Variants in XRCC4 observed in about 807,000 individuals in gnomAD.
XRCC4 encodes DNA repair protein XRCC4.
A neutral mutation model predicts 39.1 loss-of-function variants in XRCC4; 28 were observed. The ratio of observed to expected loss-of-function variants is 0.72; its 90% confidence interval spans 0.53 to 0.98. XRCC4 has a LOEUF of 0.98. Among genes scored for constraint, XRCC4 ranks in the 50% least tolerant of loss-of-function variants. The pLI is 0.00. For missense variants in XRCC4, 350 were observed against 376.4 expected, an observed-to-expected ratio of 0.93 and a Z score of 0.58; for synonymous variants, 123 against 126.4, an observed-to-expected ratio of 0.97 and a Z score of 0.18.
chr5:83,183,413 T>TGTGC (rs1491577644), intron 3 of XRCC4, among the ~76,000 whole-genome samples: 2 of 1,654 alleles, frequency 1.2e-3, no homozygotes, highest in African/African-American at 2.5e-3. Flanking sequence ...TTCATTTATT[T>TGTGC]GTGTGTGTGT....
At chr5:83,343,410 C>A (rs982956649) in intron 7 of XRCC4, among the ~76,000 whole-genome samples, 1 of 152,146 alleles carries the variant, frequency 6.6e-6, no homozygotes, top group East Asian at 1.9e-4. Flanking sequence ...ATCGCCTGTT[C>A]TTCTTGTCTG....
At chr5:83,110,704 A>G (rs901070794) in intron 2 of XRCC4, among the ~76,000 whole-genome samples, 2 of 152,056 alleles carry the variant, frequency 1.3e-5, no homozygotes, top group Admixed American at 1.3e-4. Flanking sequence ...CATTGTAGGA[A>G]ATTATCTGGC....
intron 6 of XRCC4, among the ~76,000 whole-genome samples, chr5:83,223,463 C>T (rs554110071): frequency 6.7e-6 from 1 of 150,082 alleles, no homozygotes; most frequent in Non-Finnish European, 1.5e-5. Context: ...TATATAATTA[C>T]CTCCATTGTT....
intron 7 of XRCC4, among the ~76,000 whole-genome samples, chr5:83,337,857 G>A (rs1756639275): frequency 6.6e-6 from 1 of 152,180 alleles, no homozygotes; most frequent in African/African-American, 2.4e-5. Flanking sequence ...GAGGAGTCAT[G>A]GGAAGCTTCA....
intron 7 of XRCC4, among the ~76,000 whole-genome samples, chr5:83,349,725 C>A (rs1757023606): frequency 6.6e-6 from 1 of 152,094 alleles, no homozygotes; most frequent in African/African-American, 2.4e-5. Flanking sequence ...ACAATGGACA[C>A]AATTACAGAG....
intron 3 of XRCC4, among the ~76,000 whole-genome samples, chr5:83,112,956 A>T (rs1166081563): frequency 6.6e-6 from 1 of 152,136 alleles, no homozygotes; most frequent in Non-Finnish European, 1.5e-5. Flanking sequence ...CCCAAATCTC[A>T]TGTCCTCACA....
intron 3 of XRCC4, among the ~76,000 whole-genome samples, chr5:83,192,198 A>G (rs1413112397): frequency 6.7e-6 from 1 of 148,490 alleles, no homozygotes; most frequent in Non-Finnish European, 1.5e-5. Flanking sequence ...ATATGTATGT[A>G]TACGTATATA....
At chr5:83,238,319 A>G (rs1419584974) in intron 6 of XRCC4, among the ~76,000 whole-genome samples, 1 of 152,234 alleles carries the variant, frequency 6.6e-6, no homozygotes, top group Non-Finnish European at 1.5e-5. Flanking sequence ...GGCAGTCCTC[A>G]GAAAATGAGA....
intron 3 of XRCC4, among the ~76,000 whole-genome samples, chr5:83,112,708 C>G (rs1281698150): frequency 1.3e-5 from 2 of 152,142 alleles, no homozygotes; most frequent in East Asian, 3.9e-4. Context: ...GGAGCAAAGT[C>G]ACATCTTACA....
intron 6 of XRCC4, 34 bp downstream of exon 6, chr5:83,204,955 A>G: frequency 7.0e-7 from 1 of 1,431,760 alleles, no homozygotes; most frequent in Non-Finnish European, 9.8e-7. Flanking sequence ...CCTCTGTTGA[A>G]TATCTTATTT....
chr5:83,247,409 C>T (rs1168130188), intron 6 of XRCC4, among the ~76,000 whole-genome samples: 1 of 152,140 alleles, frequency 6.6e-6, no homozygotes, highest in South Asian at 2.1e-4. Flanking sequence ...CCTGTCAGAT[C>T]AGTGGCAAAA....
the XRCC4 span, among the ~76,000 whole-genome samples, chr5:83,360,260 A>G: frequency 6.6e-6 from 1 of 152,130 alleles, no homozygotes; most frequent in Non-Finnish European, 1.5e-5. Flanking sequence ...ATCTACTGGG[A>G]CAAGATGATT....
chr5:83,097,912 T>C (rs1258717430), intron 1 of XRCC4, among the ~76,000 whole-genome samples: 4 of 152,156 alleles, frequency 2.6e-5, no homozygotes, highest in Non-Finnish European at 5.9e-5. Flanking sequence ...GTTATAGTCT[T>C]GGAACTTAGG....
rs1437419867 is a variant in XRCC4 at position 83,344,128 on chromosome 5, TCTCA to T, written c.894-9001_894-8998del. ...ACATACACAGATACACTGACACAGA[TCTCA>T]CACACACACACACACACACACACAC... On this transcript the variant is annotated intron_variant, in intron 7 of 7. Coordinates refer to ENST00000396027, the MANE Select transcript of XRCC4 (RefSeq NM_003401.5). Among the ~76,000 whole-genome samples the T allele has an allele frequency of 4.6e-3, 619 of 134,844 alleles. 3 individuals carry two copies. Among genetic ancestry groups the T allele is most frequent in the African/African-American group, 0.012 (472 of 37,924 alleles). 88.5% of individuals were successfully genotyped at this position (134,844 alleles called of 152,430 possible). A position where few individuals can be genotyped will look rare whatever the true frequency, so the allele number is the denominator to read the frequency against.
At chr5:83,340,591 G>C (rs80060406) in intron 7 of XRCC4, among the ~76,000 whole-genome samples, 2,851 of 151,360 alleles carry the variant, frequency 0.019, 85 homozygotes, top group African/African-American at 0.065. Flanking sequence ...AAGTTTTGAA[G>C]ACAGGAAGGG....
At position 83,353,331 on chromosome 5, in the gene XRCC4, G is replaced by A. The variant is rs1293606901; in HGVS notation, c.*89G>A. Reference sequence around the variant, plus strand: ...AAAGGAGAATTTCAAGTCAGCAGCCGCTATTACCGTATCTTACAATTTAAT... The same window carrying A: ...AAAGGAGAATTTCAAGTCAGCAGCCACTATTACCGTATCTTACAATTTAAT... On this transcript the variant is annotated 3_prime_UTR_variant, in exon 8 of 8. Transcript: ENST00000396027. 31 of 1,003,444 alleles carry A rather than the reference G, an allele frequency of 3.1e-5. No individual in the cohort carries two copies. Among genetic ancestry groups the A allele is most frequent in the Non-Finnish European group, 3.5e-5 (24 of 681,936 alleles). The allele number at this position is 1,003,444 out of a possible 1,614,324, so 62.2% of individuals were successfully genotyped here. A position where few individuals can be genotyped will look rare whatever the true frequency, so the allele number is the denominator to read the frequency against.
At chr5:83,231,696 C>T (rs1752501869) in intron 6 of XRCC4, among the ~76,000 whole-genome samples, 1 of 152,070 alleles carries the variant, frequency 6.6e-6, no homozygotes, top group South Asian at 2.1e-4. Context: ...GGCACAATTT[C>T]CTACCTATTT....
chr5:83,222,794 C>T lies in XRCC4; in HGVS notation c.745+17873C>T, dbSNP rs539846875. 3.9e-3 allele frequency among the ~76,000 whole-genome samples: 589 copies of T among 152,164 alleles called. 2 individuals are homozygous for T. The highest frequency in any genetic ancestry group is 5.4e-3 in the Non-Finnish European group (366 of 68,008). ...ACAGGGTCTCACTTTACCACCCAGG[C>T]TTGAGTGGAGTGGTGCGATCACGGC... On this transcript the variant is annotated intron_variant, in intron 6 of 7. Coordinates refer to ENST00000396027, the MANE Select transcript of XRCC4 (RefSeq NM_003401.5).
chr5:83,233,561 T>A (rs888513436), intron 6 of XRCC4, among the ~76,000 whole-genome samples: 2 of 151,992 alleles, frequency 1.3e-5, no homozygotes, highest in African/African-American at 4.8e-5. Flanking sequence ...ATATATATTA[T>A]GCAGAAACGT....
Sources: allele counts gnomAD v4.1 joint callset (sites outside exome capture counted in the v4.1 genomes callset), GRCh38; gene constraint gnomAD v4.1.1; transcripts MANE v1.5; gene names NCBI Gene and HGNC (gene_info 2026-07-23, HGNC 2026-07-21).